ARHGAP24: variants seen among roughly 807,000 people sequenced by gnomAD.
ARHGAP24 encodes the protein Rho GTPase activating protein 24.
A neutral mutation model predicts 76.4 loss-of-function variants in ARHGAP24; 50 were observed. The ratio of observed to expected loss-of-function variants is 0.65; its 90% CI spans 0.52 to 0.83. The LOEUF (loss-of-function observed/expected upper bound fraction) is 0.83. Ranked by LOEUF, ARHGAP24 falls within the 40% of genes least tolerant of loss-of-function variation. The pLI, the probability that ARHGAP24 is intolerant of heterozygous loss-of-function variation, is 0.00. For missense variants in ARHGAP24, 930 were observed against 914.2 expected (o/e 1.02, Z -0.22); for synonymous variants, 345 against 323.3 (o/e 1.07, Z -0.72).
intron 3 of ARHGAP24, among the ~76,000 whole-genome samples, chr4:85,748,177 C>T (rs1040301534): frequency 1.5e-4 from 23 of 152,318 alleles, no homozygotes; most frequent in African/African-American, 5.3e-4. Context: ...TCTTTAACAC[C>T]AGTGAGCAAC....
At chr4:85,509,223 A>T (rs999697960) in intron 1 of ARHGAP24, among the ~76,000 whole-genome samples, 1 of 148,856 alleles carries the variant, frequency 6.7e-6, no homozygotes, top group Non-Finnish European at 1.5e-5. Context: ...GAGGGATAGC[A>T]TTAGGAGATA....
At chr4:85,995,761 G>C (rs933492129) in intron 9 of ARHGAP24, 104 bp downstream of exon 9, 34 of 1,142,658 alleles carry the variant, frequency 3.0e-5, no homozygotes, top group African/African-American at 4.6e-5. Flanking sequence ...CAAAGTCAAA[G>C]AAACACAAGT....
chr4:85,951,938 GTTA>G (rs1474209499), intron 5 of ARHGAP24, among the ~76,000 whole-genome samples: 3 of 151,588 alleles, frequency 2.0e-5, no homozygotes, highest in Non-Finnish European at 2.9e-5. Context: ...ATATCATAAA[GTTA>G]TTAAGTTTAA....
At chr4:85,785,324 G>C (rs72658213) in intron 3 of ARHGAP24, among the ~76,000 whole-genome samples, 2 of 152,078 alleles carry the variant, frequency 1.3e-5, no homozygotes, top group Non-Finnish European at 2.9e-5. Context: ...TTTATTCTCT[G>C]AGTTCAATTT....
At chr4:85,796,516 A>G (rs1728347364) in intron 3 of ARHGAP24, among the ~76,000 whole-genome samples, 1 of 152,198 alleles carries the variant, frequency 6.6e-6, no homozygotes, top group Non-Finnish European at 1.5e-5. Context: ...TGAGAAGTCC[A>G]AGGGAAGATC....
At chr4:85,733,785 A>G (rs1423759615) in intron 3 of ARHGAP24, among the ~76,000 whole-genome samples, 1 of 152,098 alleles carries the variant, frequency 6.6e-6, no homozygotes, top group Non-Finnish European at 1.5e-5. Flanking sequence ...CATCAGTTGC[A>G]TAGGATTAGG....
At chr4:85,899,212 AT>A (rs1377637504) in intron 3 of ARHGAP24, among the ~76,000 whole-genome samples, 3 of 152,220 alleles carry the variant, frequency 2.0e-5, no homozygotes, top group African/African-American at 7.2e-5. Flanking sequence ...AAGAAAAAAT[AT>A]TTGAAGGGAA....
At chr4:85,859,386 A>C (rs940747724) in intron 3 of ARHGAP24, among the ~76,000 whole-genome samples, 2 of 152,130 alleles carry the variant, frequency 1.3e-5, no homozygotes. Context: ...CCTTAAATAA[A>C]TTTACTTAAA....
chr4:85,913,150 A>C (rs574900732), intron 3 of ARHGAP24, among the ~76,000 whole-genome samples: 3 of 151,906 alleles, frequency 2.0e-5, no homozygotes, highest in African/African-American at 7.2e-5. Context: ...TGCTGCCCCC[A>C]TTTCTCTACT....
At chr4:85,561,557 C>G (rs1726601090) in intron 1 of ARHGAP24, among the ~76,000 whole-genome samples, 1 of 152,118 alleles carries the variant, frequency 6.6e-6, no homozygotes. Context: ...TCACTAAGAT[C>G]TAATTATTTA....
intron 1 of ARHGAP24, among the ~76,000 whole-genome samples, chr4:85,503,502 A>G (rs185805566): frequency 6.6e-6 from 1 of 152,212 alleles, no homozygotes; most frequent in East Asian, 1.9e-4. Flanking sequence ...GTTTATTTGC[A>G]TAGAGGCGTT....
At chr4:85,710,431 C>A (rs372255546) in intron 2 of ARHGAP24, among the ~76,000 whole-genome samples, 11 of 152,116 alleles carry the variant, frequency 7.2e-5, no homozygotes, top group African/African-American at 2.6e-4. Flanking sequence ...GCAAATATTT[C>A]GTGACAGAGA....
chr4:85,576,889 C>A (rs1025517494), intron 2 of ARHGAP24, among the ~76,000 whole-genome samples: 1 of 151,840 alleles, frequency 6.6e-6, no homozygotes, highest in Non-Finnish European at 1.5e-5. Flanking sequence ...GTTACTAATT[C>A]GGATACATTG....
intron 4 of ARHGAP24, among the ~76,000 whole-genome samples, chr4:85,928,142 TG>T (rs1229114397): frequency 6.6e-6 from 1 of 152,172 alleles, no homozygotes; most frequent in Non-Finnish European, 1.5e-5. Context: ...GAGAGGCACA[TG>T]GTTTCTGCAT....
At chr4:85,917,319 A>G (rs1361427370) in intron 3 of ARHGAP24, among the ~76,000 whole-genome samples, 1 of 152,058 alleles carries the variant, frequency 6.6e-6, no homozygotes, top group Non-Finnish European at 1.5e-5. Context: ...TCATTGTTGA[A>G]CATCTGGGTT....
At chr4:85,684,516 C>T (rs1199584282) in intron 2 of ARHGAP24, among the ~76,000 whole-genome samples, 1 of 152,106 alleles carries the variant, frequency 6.6e-6, no homozygotes, top group Non-Finnish European at 1.5e-5. Context: ...GCCCTCTCAG[C>T]CTGCTTCCTG....
At chr4:85,488,010 A>G (rs952272537) in intron 1 of ARHGAP24, among the ~76,000 whole-genome samples, 5 of 149,050 alleles carry the variant, frequency 3.4e-5, no homozygotes, top group Admixed American at 2.1e-4. Context: ...GGTTCACGCC[A>G]TTCTCCTGCC....
At chr4:85,510,790 A>C (rs1286451856) in intron 1 of ARHGAP24, among the ~76,000 whole-genome samples, 18 of 129,604 alleles carry the variant, frequency 1.4e-4, no homozygotes, top group African/African-American at 2.6e-4. Context: ...CCCCTCCTCT[A>C]GCCCCTCCCC....
At chr4:85,664,643 G>A (rs1213502643) in intron 2 of ARHGAP24, among the ~76,000 whole-genome samples, 5 of 149,996 alleles carry the variant, frequency 3.3e-5, no homozygotes, top group Admixed American at 2.6e-4. Flanking sequence ...TTCTCTTGTG[G>A]GCATTTAGTG....
Sources: allele counts gnomAD v4.1 joint callset (sites outside exome capture counted in the v4.1 genomes callset), GRCh38; gene constraint gnomAD v4.1.1; transcripts MANE v1.5; gene names NCBI Gene and HGNC (gene_info 2026-07-23, HGNC 2026-07-21).